The following MALRD1 variants were observed in gnomAD, a reference collection of about 807,000 sequenced individuals.
MALRD1 encodes the protein MAM and LDL-receptor class A domain-containing protein 1.
Under a neutral mutation model 242.1 loss-of-function variants are expected in MALRD1, and 247 were observed. That is an observed-to-expected ratio of 1.02 (90% CI 0.92 to 1.13). MALRD1 has a LOEUF of 1.13. Ranked by LOEUF, MALRD1 falls within the 50% of genes most tolerant of loss-of-function variation. MALRD1 has a pLI of 0.00. For synonymous variants in MALRD1, 995 were observed against 866.6 expected, an observed-to-expected ratio of 1.15 and a Z score of -2.60; for missense variants, 2,989 against 2,533.1, an observed-to-expected ratio of 1.18 and a Z score of -3.86.
chr10:19,165,267 T>TATATATATATATATA (rs1564435240), intron 12 of MALRD1, among the ~76,000 whole-genome samples: 1 of 53,758 alleles, frequency 1.9e-5, no homozygotes, highest in African/African-American at 1.5e-4. Flanking sequence ...ATATATATAT[T>TATATATATATATATA]TTGTTTTGTT....
intron 14 of MALRD1, 64 bp downstream of exon 14, chr10:19,175,392 A>G (rs1564444162): frequency 1.7e-6 from 2 of 1,183,070 alleles, no homozygotes; most frequent in Non-Finnish European, 2.1e-6. Context: ...CAGTATCAAA[A>G]TATAAAATGT....
chr10:19,623,924 A>G (rs562008334), intron 36 of MALRD1, among the ~76,000 whole-genome samples: 2 of 152,170 alleles, frequency 1.3e-5, no homozygotes, highest in African/African-American at 2.4e-5. Flanking sequence ...AACCATCACA[A>G]TGCATAAATA....
chr10:19,102,337 A>T lies in MALRD1; in HGVS notation c.598-1642A>T, dbSNP rs919563636. On this transcript the variant is annotated intron_variant, in intron 4 of 39. Coordinates refer to ENST00000454679, the MANE Select transcript of MALRD1 (RefSeq NM_001142308.3). ...CTTTGCAAAATGGTTCTATTTTCTA[A>T]GTAGTTACACTTATTTTTGTATAAA... Among the ~76,000 whole-genome samples, 5 of 152,026 alleles carry T rather than the reference A, an allele frequency of 3.3e-5. No homozygotes were observed. In the East Asian group the frequency reaches 9.6e-4, roughly 29 times the overall value.
intron 36 of MALRD1, among the ~76,000 whole-genome samples, chr10:19,647,219 C>T (rs781465052): frequency 1.3e-5 from 2 of 152,152 alleles, no homozygotes; most frequent in South Asian, 2.1e-4. Flanking sequence ...TTGCAATGTA[C>T]GCCCTATTTT....
chr10:19,197,694 C>T (rs935225018), intron 14 of MALRD1, among the ~76,000 whole-genome samples: 1 of 152,150 alleles, frequency 6.6e-6, no homozygotes. Context: ...CTTCCTTGAT[C>T]ATTGATAAAA....
chr10:19,206,584 T>A (rs184377368), intron 17 of MALRD1, among the ~76,000 whole-genome samples: 1 of 152,294 alleles, frequency 6.6e-6, no homozygotes, highest in East Asian at 1.9e-4. Flanking sequence ...ACAACTATAG[T>A]ATCAAAATAC....
intron 36 of MALRD1, among the ~76,000 whole-genome samples, chr10:19,640,402 A>G (rs961980234): frequency 6.6e-6 from 1 of 152,056 alleles, no homozygotes; most frequent in African/African-American, 2.4e-5. Flanking sequence ...ATTGTCTTCT[A>G]CTCACTGGCT....
At chr10:19,617,650 A>T (rs555871428) in intron 36 of MALRD1, among the ~76,000 whole-genome samples, 2 of 152,024 alleles carry the variant, frequency 1.3e-5, no homozygotes, top group Non-Finnish European at 2.9e-5. Context: ...TTGACACTCA[A>T]ATCCTACACT....
chr10:19,661,285 G>A (rs1026554592), intron 36 of MALRD1, among the ~76,000 whole-genome samples: 17 of 152,108 alleles, frequency 1.1e-4, no homozygotes, highest in Admixed American at 2.0e-4. Context: ...CCATTACTGG[G>A]TATATACCCA....
intron 26 of MALRD1, among the ~76,000 whole-genome samples, chr10:19,369,171 A>G (rs1389788232): frequency 1.1e-5 from 1 of 88,902 alleles, no homozygotes; most frequent in Non-Finnish European, 2.3e-5. Context: ...ATATTTATAT[A>G]TAAACTAATA....
intron 31 of MALRD1, among the ~76,000 whole-genome samples, chr10:19,519,208 C>A (rs7905735): frequency 0.25 from 37,704 of 151,580 alleles, 7,490 homozygotes; most frequent in African/African-American, 0.56. Flanking sequence ...TCAGCATAGT[C>A]AAGTTTTGCA....
chr10:19,330,860 T>TAA (rs71784448), intron 23 of MALRD1, among the ~76,000 whole-genome samples: 12 of 146,910 alleles, frequency 8.2e-5, no homozygotes, highest in African/African-American at 2.7e-4. Context: ...GTGTACAATT[T>TAA]AAAAAAAAAA....
intron 21 of MALRD1, among the ~76,000 whole-genome samples, chr10:19,314,458 T>C (rs1286459643): frequency 2.6e-5 from 4 of 151,462 alleles, no homozygotes; most frequent in South Asian, 4.2e-4. Context: ...AAAGGAGGCA[T>C]AGAGAAATGA....
intron 14 of MALRD1, among the ~76,000 whole-genome samples, chr10:19,193,977 G>T (rs1836116338): frequency 6.6e-6 from 1 of 151,770 alleles, no homozygotes; most frequent in East Asian, 1.9e-4. Context: ...AAATAGTAGG[G>T]TCTTTTACGA....
intron 32 of MALRD1, among the ~76,000 whole-genome samples, chr10:19,561,194 G>A (rs1452898022): frequency 6.6e-6 from 1 of 152,098 alleles, no homozygotes; most frequent in Non-Finnish European, 1.5e-5. Context: ...AGCATACATT[G>A]TATGATTTCT....
chr10:19,197,034 G>C (rs1221344036), intron 14 of MALRD1, among the ~76,000 whole-genome samples: 1 of 152,118 alleles, frequency 6.6e-6, no homozygotes, highest in African/African-American at 2.4e-5. Flanking sequence ...GGCTTGGGAG[G>C]CCTCAGGAAA....
At chr10:19,171,729 CG>C (rs1268749108) in intron 13 of MALRD1, among the ~76,000 whole-genome samples, 1 of 137,692 alleles carries the variant, frequency 7.3e-6, no homozygotes, top group Non-Finnish European at 1.6e-5. Flanking sequence ...CACGTATATA[CG>C]TATATATATC....
chr10:19,512,757 T>G (rs932417457), intron 31 of MALRD1, among the ~76,000 whole-genome samples: 2 of 152,184 alleles, frequency 1.3e-5, no homozygotes, highest in Admixed American at 1.3e-4. Context: ...CCCAGAATTA[T>G]GGATTTGACA....
chr10:19,308,735 C>A (rs1408323406), intron 21 of MALRD1, among the ~76,000 whole-genome samples: 1 of 151,474 alleles, frequency 6.6e-6, no homozygotes, highest in African/African-American at 2.4e-5. Context: ...ACGTTGTGAG[C>A]CCATTAGAGA....
Sources: allele counts gnomAD v4.1 joint callset (sites outside exome capture counted in the v4.1 genomes callset), GRCh38; gene constraint gnomAD v4.1.1; transcripts MANE v1.5; gene names NCBI Gene and HGNC (gene_info 2026-07-23, HGNC 2026-07-21).